The following AGBL4 variants were observed in gnomAD, a reference collection of about 807,000 sequenced individuals.
The protein encoded by AGBL4 is cytosolic carboxypeptidase 6.
In AGBL4, 58 loss-of-function variants were observed where a neutral mutation model predicts 66.4. That is an observed-to-expected ratio of 0.87 (90% CI 0.71 to 1.09). AGBL4 has a LOEUF of 1.09. AGBL4 is among the 50% of genes least tolerant of loss of function. The pLI is 0.00. For synonymous variants in AGBL4, 234 were observed against 222.9 expected (o/e 1.05, Z -0.44); for missense variants, 579 against 631.0 (o/e 0.92, Z 0.88).
rs142158682 is a variant in AGBL4, at chr1:49,077,704, A to G, written c.378-31904T>C. Reference sequence around the variant, plus strand: ...AAAAGAAGATAAAATCTATGTAAATAAACACTAAGTATAATGTCAGTTGTA... The same window carrying G: ...AAAAGAAGATAAAATCTATGTAAATGAACACTAAGTATAATGTCAGTTGTA... On this transcript the variant is annotated intron_variant, in intron 4 of 13. Coordinates refer to ENST00000371839, the MANE Select transcript of AGBL4 (RefSeq NM_032785.4). 7.7e-3 allele frequency among the ~76,000 whole-genome samples: 1,180 copies of G among 152,304 alleles called. 45 individuals are homozygous for G. The highest frequency in any genetic ancestry group is 0.059 in the Admixed American group (895 of 15,284).
At chr1:49,042,440 C>A (rs1044385221) in intron 5 of AGBL4, among the ~76,000 whole-genome samples, 5 of 152,150 alleles carry the variant, frequency 3.3e-5, no homozygotes, top group African/African-American at 1.2e-4. Flanking sequence ...AGAGGACCAC[C>A]AATTTTTAGC....
intron 4 of AGBL4, among the ~76,000 whole-genome samples, chr1:49,164,369 C>G (rs1037383826): frequency 2.0e-5 from 3 of 152,148 alleles, no homozygotes; most frequent in Non-Finnish European, 4.4e-5. Flanking sequence ...ATTAAAACCT[C>G]TATCCCCCAG....
chr1:49,732,205 T>TA (rs1395696427), intron 2 of AGBL4, among the ~76,000 whole-genome samples: 1 of 152,202 alleles, frequency 6.6e-6, no homozygotes, highest in Non-Finnish European at 1.5e-5. Flanking sequence ...TAGTCTTGGC[T>TA]AAGACTGTGT....
chr1:49,893,095 A>C (rs1274844085), intron 1 of AGBL4, among the ~76,000 whole-genome samples: 1 of 152,212 alleles, frequency 6.6e-6, no homozygotes, highest in African/African-American at 2.4e-5. Flanking sequence ...AGTGAAAGAA[A>C]TGGAAAATCA....
intron 4 of AGBL4, among the ~76,000 whole-genome samples, chr1:49,238,968 A>T (rs978176007): frequency 6.6e-6 from 1 of 152,128 alleles, no homozygotes; most frequent in Non-Finnish European, 1.5e-5. Context: ...AGAGTTTTCT[A>T]TGTTTGTTTC....
At chr1:48,980,132 C>A (rs576163477) in intron 5 of AGBL4, among the ~76,000 whole-genome samples, 1 of 152,066 alleles carries the variant, frequency 6.6e-6, no homozygotes, top group Admixed American at 6.6e-5. Flanking sequence ...AATATAAGTG[C>A]GGCATTGGGC....
At chr1:49,875,061 T>G (rs745307034) in intron 1 of AGBL4, among the ~76,000 whole-genome samples, 76 of 148,864 alleles carry the variant, frequency 5.1e-4, no homozygotes, top group Non-Finnish European at 8.9e-4. Context: ...CACCTATGAG[T>G]GAGAATATGT....
At chr1:49,880,522 G>C (rs1161314770) in intron 1 of AGBL4, among the ~76,000 whole-genome samples, 1 of 152,112 alleles carries the variant, frequency 6.6e-6, no homozygotes, top group Non-Finnish European at 1.5e-5. Flanking sequence ...CCCATTCTCA[G>C]ATCTCCAGCT....
At chr1:48,772,031 C>G (rs1644861371) in intron 6 of AGBL4, among the ~76,000 whole-genome samples, 1 of 152,216 alleles carries the variant, frequency 6.6e-6, no homozygotes, top group African/African-American at 2.4e-5. Flanking sequence ...TCCCTCTCCT[C>G]AAGCACAAAA....
intron 3 of AGBL4, among the ~76,000 whole-genome samples, chr1:49,321,770 C>T (rs1054217128): frequency 7.9e-5 from 12 of 152,148 alleles, no homozygotes; most frequent in African/African-American, 2.7e-4. Context: ...CTCACTATAC[C>T]GAGTTCTCCT....
At chr1:50,018,486 AAATT>A (rs2148448613) in intron 1 of AGBL4, among the ~76,000 whole-genome samples, 1 of 152,274 alleles carries the variant, frequency 6.6e-6, no homozygotes, top group South Asian at 2.1e-4. Flanking sequence ...ATCTGTATTA[AAATT>A]AATACTCCAT....
At chr1:48,908,359 T>A (rs985960704) in intron 5 of AGBL4, among the ~76,000 whole-genome samples, 1 of 152,194 alleles carries the variant, frequency 6.6e-6, no homozygotes, top group African/African-American at 2.4e-5. Context: ...CAATACAGCA[T>A]CTTTTCTTCT....
At chr1:49,776,703 T>A (rs1270333294) in intron 2 of AGBL4, among the ~76,000 whole-genome samples, 1 of 152,156 alleles carries the variant, frequency 6.6e-6, no homozygotes, top group Non-Finnish European at 1.5e-5. Flanking sequence ...TTTTCTGACC[T>A]CCCTAATATA....
chr1:49,356,294 T>A (rs148887890), intron 3 of AGBL4, among the ~76,000 whole-genome samples: 6 of 152,322 alleles, frequency 3.9e-5, no homozygotes, highest in Non-Finnish European at 7.3e-5. Context: ...GAGAACTTGC[T>A]TTCTAACTCC....
intron 1 of AGBL4, among the ~76,000 whole-genome samples, chr1:49,938,580 G>C (rs1654369432): frequency 6.6e-6 from 1 of 152,130 alleles, no homozygotes; most frequent in Admixed American, 6.5e-5. Context: ...GATGAACATT[G>C]ATGCAAAAAT....
intron 5 of AGBL4, among the ~76,000 whole-genome samples, chr1:49,041,491 T>C (rs1643940528): frequency 6.6e-6 from 1 of 152,088 alleles, no homozygotes; most frequent in African/African-American, 2.4e-5. Flanking sequence ...GGTAAATCCC[T>C]TTCTCAAAAA....
chr1:49,879,382 C>T (rs1340361668), intron 1 of AGBL4, among the ~76,000 whole-genome samples: 1 of 149,696 alleles, frequency 6.7e-6, no homozygotes, highest in African/African-American at 2.5e-5. Context: ...TCAGCATTTG[C>T]TTGTCTGTAA....
At chr1:49,475,473 CA>C (rs1162836903) in intron 3 of AGBL4, among the ~76,000 whole-genome samples, 2 of 151,900 alleles carry the variant, frequency 1.3e-5, no homozygotes, top group African/African-American at 4.8e-5. Flanking sequence ...AGTCTCTCCT[CA>C]ATTTTTTTGG....
intron 2 of AGBL4, among the ~76,000 whole-genome samples, chr1:49,849,437 T>C (rs1426521842): frequency 4.1e-5 from 6 of 145,326 alleles, no homozygotes; most frequent in Non-Finnish European, 7.5e-5. Context: ...TTATTATGTA[T>C]ATTCTGGTAA....
Sources: allele counts gnomAD v4.1 joint callset (sites outside exome capture counted in the v4.1 genomes callset), GRCh38; gene constraint gnomAD v4.1.1; transcripts MANE v1.5; gene names NCBI Gene and HGNC (gene_info 2026-07-23, HGNC 2026-07-21).